SGCB: variants seen among roughly 807,000 people sequenced by gnomAD.
The protein encoded by SGCB is beta-sarcoglycan.
SGCB carries 25 observed loss-of-function variants against 27.3 expected under a neutral mutation model. That is an observed-to-expected ratio of 0.92 (90% CI 0.67 to 1.28). The LOEUF is 1.28. SGCB is among the 50% of genes most tolerant of loss of function. The pLI is 0.00. For missense variants in SGCB, 436 were observed against 402.1 expected (o/e 1.08, Z -0.72); for synonymous variants, 147 against 133.5 (o/e 1.10, Z -0.70).
At chr4:52,024,608 C>CACA (rs1737038952) in intron 5 of SGCB, among the ~76,000 whole-genome samples, 1 of 151,970 alleles carries the variant, frequency 6.6e-6, no homozygotes. Flanking sequence ...GTGGGCGGAT[C>CACA]ACAAGTTCAG....
chr4:52,025,474 G>A (rs766155787), intron 5 of SGCB, among the ~76,000 whole-genome samples: 3 of 152,194 alleles, frequency 2.0e-5, no homozygotes, highest in Non-Finnish European at 4.4e-5. Flanking sequence ...GTGAAGATGT[G>A]CCTGGATTCC....
At chr4:52,037,897 G>A (rs759940838) in intron 1 of SGCB, among the ~76,000 whole-genome samples, 5 of 152,182 alleles carry the variant, frequency 3.3e-5, no homozygotes, top group Admixed American at 6.5e-5. Flanking sequence ...GGCTGAACGG[G>A]GTACGTCCCT....
chr4:52,035,289 T>C (rs1481094593), intron 1 of SGCB, among the ~76,000 whole-genome samples: 2 of 152,230 alleles, frequency 1.3e-5, no homozygotes, highest in Non-Finnish European at 2.9e-5. Flanking sequence ...TATTAACAGA[T>C]ATGATTTGTG....
At chr4:52,030,707 A>C (rs1207123655) in intron 2 of SGCB, among the ~76,000 whole-genome samples, 1 of 152,162 alleles carries the variant, frequency 6.6e-6, no homozygotes, top group East Asian at 1.9e-4. Flanking sequence ...CACAGCTGTA[A>C]TCATAAACTT....
At chr4:52,029,360 G>T (rs1283168386) in intron 3 of SGCB, among the ~76,000 whole-genome samples, 1 of 152,152 alleles carries the variant, frequency 6.6e-6, no homozygotes, top group African/African-American at 2.4e-5. Context: ...TCCTCATATG[G>T]AGGAGAAAAG....
At chr4:52,027,546 G>T in intron 5 of SGCB, among the ~76,000 whole-genome samples, 1 of 148,898 alleles carries the variant, frequency 6.7e-6, no homozygotes. Flanking sequence ...CAACTACAAG[G>T]CATGAATATT....
At chr4:52,029,022 A>G in intron 3 of SGCB, 101 bp from the exon 4 acceptor site, 1 of 849,934 alleles carries the variant, frequency 1.2e-6, no homozygotes, top group Non-Finnish European at 1.9e-6. Flanking sequence ...ACAGAAATTT[A>G]AAAACCCCAA....
At chr4:52,031,398 G>GTGTGTA (rs1737243495) in intron 2 of SGCB, among the ~76,000 whole-genome samples, 3 of 43,290 alleles carry the variant, frequency 6.9e-5, no homozygotes, top group African/African-American at 9.1e-5. Flanking sequence ...ATCTCTGTGT[G>GTGTGTA]TGTGTGTATG....
At chr4:52,025,757 T>C (rs1191212066) in intron 5 of SGCB, among the ~76,000 whole-genome samples, 2 of 152,162 alleles carry the variant, frequency 1.3e-5, no homozygotes, top group African/African-American at 4.8e-5. Flanking sequence ...GTTCCAACCA[T>C]CCAGGCAGGG....
chr4:52,037,014 G>A (rs1737410305), intron 1 of SGCB, among the ~76,000 whole-genome samples: 1 of 152,206 alleles, frequency 6.6e-6, no homozygotes, highest in South Asian at 2.1e-4. Flanking sequence ...TTGAAGTGGA[G>A]ACTGAGTAAC....
rs1736989419 is a variant in SGCB at position 52,022,818 on chromosome 4, C to G, written c.*1139G>C. 6.6e-6 allele frequency: 1 copy of G among 152,128 alleles called. No homozygotes were observed. Among genetic ancestry groups the G allele is most frequent in the Non-Finnish European group, 1.5e-5 (1 of 68,018 alleles). 9.4% of individuals were successfully genotyped at this position (152,128 alleles called of 1,614,324 possible). A position where few individuals can be genotyped will look rare whatever the true frequency, so the allele number is the denominator to read the frequency against. ...GTCCATTGTTGGGAAACTGAGGTAA[C>G]TCAGAAGTAGGTAAATTTGACCTCT... On this transcript the variant is annotated 3_prime_UTR_variant, in exon 6 of 6. Transcript: ENST00000381431.
At chr4:52,037,340 A>C (rs1291614806) in intron 1 of SGCB, among the ~76,000 whole-genome samples, 1 of 152,218 alleles carries the variant, frequency 6.6e-6, no homozygotes, top group Non-Finnish European at 1.5e-5. Context: ...ACATATATCT[A>C]ATAGGTCTCT....
intron 2 of SGCB, 139 bp from the exon 3 acceptor site, chr4:52,030,002 T>C: frequency 1.4e-6 from 1 of 695,924 alleles, no homozygotes; most frequent in South Asian, 1.6e-5. Flanking sequence ...CAATTAATTT[T>C]CCACTTATAA....
chr4:52,025,141 T>C (rs1737053644), intron 5 of SGCB, among the ~76,000 whole-genome samples: 1 of 152,142 alleles, frequency 6.6e-6, no homozygotes, highest in Admixed American at 6.6e-5. Context: ...TGCTGGGGAA[T>C]ACAGCAGTAA....
rs1050318145 is a variant in SGCB at position 52,023,838 on chromosome 4, C to G, written c.*119G>C. ...AACTATGTAGACCATAAAACAGATA[C>G]AGCAGTGCTCTGCCATTAAAATAAT... is the stretch of plus-strand genomic sequence containing the variant. On this transcript the variant is annotated 3_prime_UTR_variant, in exon 6 of 6. Transcript: ENST00000381431. 1.7e-5 allele frequency: 13 copies of G among 779,072 alleles called. No homozygotes were observed. Among genetic ancestry groups the G allele is most frequent in the Non-Finnish European group, 2.9e-5 (13 of 447,040 alleles). The allele number at this position is 779,072 out of a possible 1,614,324, so 48.3% of individuals were successfully genotyped here.
chr4:52,028,165 T>A, intron 4 of SGCB, 66 bp from the exon 5 acceptor site: 1 of 1,268,510 alleles, frequency 7.9e-7, no homozygotes, highest in Non-Finnish European at 1.1e-6. Flanking sequence ...TTATCAGAGA[T>A]AGAGAAATAG....
chr4:52,031,406 A>ATGTGTATG (rs1737244981), intron 2 of SGCB, among the ~76,000 whole-genome samples: 1 of 142,730 alleles, frequency 7.0e-6, no homozygotes, highest in Non-Finnish European at 1.5e-5. Context: ...GTGTGTGTGT[A>ATGTGTATG]TGTGTGTGTG....
At position 52,029,738 on chromosome 4, in the gene SGCB, A is replaced by G. The variant is rs371706268; in HGVS notation, c.369T>C (p.Tyr123=). Residue 123 remains tyrosine, a synonymous_variant, in exon 3 of 6, where the codon TAT becomes TAC. Transcript: ENST00000381431. ...VSDMGVIHPL[Y]KSTVGGRRNE... is the part of the protein sequence containing the mutation. ...TTCGCCTTCCTCCTACTGTGCTTTT[A>G]TAAAGAGGGTGGATCACTCCCATGT... The G allele has an allele frequency of 2.6e-5, 42 of 1,613,742 alleles. No individual in the cohort carries two copies. Among genetic ancestry groups the G allele is most frequent in the Non-Finnish European group, 3.4e-5 (40 of 1,179,894 alleles).
intron 1 of SGCB, among the ~76,000 whole-genome samples, chr4:52,035,579 G>A (rs1737365566): frequency 1.3e-5 from 2 of 152,258 alleles, no homozygotes; most frequent in Non-Finnish European, 2.9e-5. Flanking sequence ...GGAGGTTTTT[G>A]AGCACAAATT....
Sources: allele counts gnomAD v4.1 joint callset (sites outside exome capture counted in the v4.1 genomes callset), GRCh38; gene constraint gnomAD v4.1.1; transcripts MANE v1.5; gene names NCBI Gene and HGNC (gene_info 2026-07-23, HGNC 2026-07-21).